Variants in ROCK2 observed in about 807,000 individuals in gnomAD.
The protein encoded by ROCK2 is rho-associated protein kinase 2.
ROCK2 carries 61 observed loss-of-function variants against 195.1 expected under a neutral mutation model. The observed-to-expected ratio is 0.31, with a 90% CI of 0.25 to 0.39. ROCK2 has a LOEUF of 0.39. Ranked by LOEUF, ROCK2 falls within the 10% of genes least tolerant of loss-of-function variation. The pLI, the probability that ROCK2 is intolerant of heterozygous loss-of-function variation, is 1.00. For synonymous variants in ROCK2, 504 were observed against 545.5 expected, an observed-to-expected ratio of 0.92 and a Z score of 1.06; for missense variants, 1,109 against 1,637.4, an observed-to-expected ratio of 0.68 and a Z score of 5.57.
At chr2:11,262,751 T>C (rs1666278336) in intron 3 of ROCK2, among the ~76,000 whole-genome samples, 1 of 152,216 alleles carries the variant, frequency 6.6e-6, no homozygotes, top group Non-Finnish European at 1.5e-5. Flanking sequence ...GTCTCGGGTA[T>C]GTCTTTATTA....
intron 3 of ROCK2, among the ~76,000 whole-genome samples, chr2:11,258,076 T>G (rs1225240179): frequency 6.6e-6 from 1 of 151,294 alleles, no homozygotes; most frequent in Non-Finnish European, 1.5e-5. Context: ...AAACAAAAAC[T>G]CTGCTTTTCA....
At chr2:11,269,280 G>A (rs1666538481) in intron 3 of ROCK2, among the ~76,000 whole-genome samples, 1 of 152,156 alleles carries the variant, frequency 6.6e-6, no homozygotes, top group Non-Finnish European at 1.5e-5. Flanking sequence ...GGGAGGCTGA[G>A]GCAGGCGGAT....
rs1180647369 is a variant in ROCK2 at position 11,181,501 on chromosome 2, T to TA, written c.*1935dup. 6.6e-6 allele frequency: 1 copy of TA among 151,976 alleles called. No homozygotes were observed. Among genetic ancestry groups the TA allele is most frequent in the Admixed American group, 6.6e-5 (1 of 15,236 alleles). 9.4% of individuals were successfully genotyped at this position (151,976 alleles called of 1,614,324 possible). A position where few individuals can be genotyped will look rare whatever the true frequency, so the allele number is the denominator to read the frequency against. ...AACAAAACCAGTTTCAGTCTATCAG[T>TA]AGGCCAGTAGCTACTCTTCAGTTTC... On this transcript the variant is annotated 3_prime_UTR_variant, in exon 33 of 33. Coordinates refer to ENST00000315872, the MANE Select transcript of ROCK2 (RefSeq NM_004850.5).
intron 3 of ROCK2, among the ~76,000 whole-genome samples, chr2:11,265,282 C>T (rs116531954): frequency 1.3e-5 from 2 of 152,172 alleles, no homozygotes; most frequent in Middle Eastern, 3.4e-3. Flanking sequence ...CAGAAATGGG[C>T]AAGTTGGAAA....
chr2:11,207,629 G>T, intron 20 of ROCK2, 97 bp downstream of exon 20: 1 of 896,594 alleles, frequency 1.1e-6, no homozygotes, highest in Non-Finnish European at 1.6e-6. Flanking sequence ...ACATGGTCTA[G>T]AAAGTAAAAT....
chr2:11,341,319 C>T (rs1288254747), intron 1 of ROCK2, among the ~76,000 whole-genome samples: 1 of 152,174 alleles, frequency 6.6e-6, no homozygotes, highest in Non-Finnish European at 1.5e-5. Flanking sequence ...GATAATGCTA[C>T]TCACTCAAAA....
upstream of ROCK2, among the ~76,000 whole-genome samples, chr2:11,344,749 C>T (rs561656685): frequency 1.8e-4 from 27 of 149,678 alleles, no homozygotes; most frequent in Admixed American, 1.1e-3. The surrounding 1 kb of genome is among the most constrained non-coding windows in gnomAD (Gnocchi z 5.4). Context: ...CGCGCTTCCT[C>T]CCTTTCTTTC....
chr2:11,317,580 A>ATATCTATATATATATATATATATC (rs1312823837), intron 1 of ROCK2, among the ~76,000 whole-genome samples: 1 of 12,408 alleles, frequency 8.1e-5, no homozygotes, highest in African/African-American at 2.8e-4. Context: ...ACACATTTAT[A>ATATCTATATATATATATATATATC]TATATATATA....
chr2:11,318,800 C>A (rs1668310387), intron 1 of ROCK2, among the ~76,000 whole-genome samples: 1 of 152,162 alleles, frequency 6.6e-6, no homozygotes. Context: ...AGGAAGGGAT[C>A]CAGTTTCAGC....
intron 5 of ROCK2, chr2:11,234,056 A>C (rs930044018): frequency 8.9e-4 from 136 of 152,202 alleles, no homozygotes; most frequent in African/African-American, 3.2e-3. Context: ...GCCGCTGCAC[A>C]AGCATAACAT....
At position 11,235,222 on chromosome 2, in the gene ROCK2, G is replaced by A. The variant is rs1448326546; in HGVS notation, c.723+480C>T. On this transcript the variant is annotated intron_variant, in intron 5 of 32. Coordinates refer to ENST00000315872, the MANE Select transcript of ROCK2 (RefSeq NM_004850.5). This position sits in a 1 kb window ranked among gnomAD's most constrained non-coding sequence, Gnocchi z 4.2. The stretch of plus-strand genomic sequence containing the variant: ...TGAATTGATCAACAGGTAAAGCATC[G>A]GAACAGATGATGTTCCCAAATTTAT... Among the ~76,000 whole-genome samples, 4 of 152,092 alleles carry A rather than the reference G, an allele frequency of 2.6e-5. No individual in the cohort carries two copies. The highest frequency in any genetic ancestry group is 1.3e-4 in the Admixed American group (2 of 15,270).
At chr2:11,275,901 T>C (rs1447227966) in intron 3 of ROCK2, among the ~76,000 whole-genome samples, 1 of 152,074 alleles carries the variant, frequency 6.6e-6, no homozygotes, top group Admixed American at 6.5e-5. Context: ...GGTTTCACCA[T>C]GTTGACCTGG....
At chr2:11,245,457 G>GA (rs966080349) in intron 4 of ROCK2, among the ~76,000 whole-genome samples, 121 of 152,152 alleles carry the variant, frequency 8.0e-4, no homozygotes, top group African/African-American at 2.9e-3. Context: ...AAACTGTGGT[G>GA]AAAGAGAACA....
intron 20 of ROCK2, among the ~76,000 whole-genome samples, chr2:11,206,893 T>C (rs1664071218): frequency 6.6e-6 from 1 of 152,244 alleles, no homozygotes; most frequent in African/African-American, 2.4e-5. Flanking sequence ...CGATGTTGGT[T>C]AGTTGGTAAG....
chr2:11,331,756 C>A (rs373116925), intron 1 of ROCK2, among the ~76,000 whole-genome samples: 2 of 152,126 alleles, frequency 1.3e-5, no homozygotes, highest in Non-Finnish European at 2.9e-5. Flanking sequence ...GAAACCCTGT[C>A]TCTGCTAAAA....
chr2:11,295,248 G>A (rs901125100), intron 1 of ROCK2, among the ~76,000 whole-genome samples: 218 of 152,222 alleles, frequency 1.4e-3, no homozygotes, highest in African/African-American at 5.0e-3. Context: ...ATTAGAAAAA[G>A]TAATGCATCA....
chr2:11,304,600 G>C (rs1172058749), intron 1 of ROCK2, among the ~76,000 whole-genome samples: 8 of 152,154 alleles, frequency 5.3e-5, no homozygotes, highest in African/African-American at 1.9e-4. Flanking sequence ...AGAGAATGAT[G>C]CTGTCACTCC....
At chr2:11,211,602 T>C (rs187755198) in intron 18 of ROCK2, 79 bp downstream of exon 18, 1 of 1,327,430 alleles carries the variant, frequency 7.5e-7, no homozygotes, top group Admixed American at 2.5e-5. Flanking sequence ...TAAAAAAAAA[T>C]GTTTCAAAAC....
chr2:11,201,374 A>G lies in ROCK2; in HGVS notation c.2659T>C (p.Cys887Arg), dbSNP rs375269209. ...TTACCAAGTTTGGTCTTTTCTTCAC[A>G]TTCTTCTTTAAGCTCCCTAACTTGT... The part of the protein sequence containing the change: ...KTQVRELKEE[C>R]EEKTKLGKEL... The change falls in exon 22 of 33, where the codon TGT becomes CGT. Residue 887 changes from cysteine to arginine, a missense_variant. Cys to Arg is a radical substitution (Grantham distance 180). This residue lies in a region of ROCK2 where 542 missense variants were observed against 672.0 expected (regional missense o/e 0.81). Transcript: ENST00000315872. This position sits in a 1 kb window ranked among gnomAD's most constrained non-coding sequence, Gnocchi z 4.6. The G allele has an allele frequency of 3.1e-6, 5 of 1,612,390 alleles. No homozygotes were observed. The African/African-American group carries it at 5.3e-5, about 17-fold the overall frequency.
Sources: allele counts gnomAD v4.1 joint callset (sites outside exome capture counted in the v4.1 genomes callset), GRCh38; gene constraint gnomAD v4.1.1; regional missense constraint gnomAD v4.1.1; non-coding constraint Gnocchi (gnomAD v3.1); transcripts MANE v1.5; gene names NCBI Gene and HGNC (gene_info 2026-07-23, HGNC 2026-07-21).